Variants in LRRC4B observed in about 807,000 individuals in gnomAD.
The protein encoded by LRRC4B is leucine rich repeat containing 4B, also known as leucine-rich repeat-containing protein 4B.
In LRRC4B, 1 loss-of-function variant was observed where a neutral mutation model predicts 7.3. The ratio of observed to expected loss-of-function variants is 0.14; its 90% confidence interval spans 0.05 to 0.65. The LOEUF (loss-of-function observed/expected upper bound fraction) is 0.65, where lower values mean the gene tolerates loss of function less well. Ranked by LOEUF, LRRC4B falls within the 30% of genes least tolerant of loss-of-function variation. LRRC4B has a pLI of 0.84. For missense variants in LRRC4B, 730 were observed against 1,041.6 expected (o/e 0.70, Z 4.12); for synonymous variants, 500 against 499.2 (o/e 1.00, Z -0.02).
At chr19:50,544,080 GC>G (rs1378271726) in intron 2 of LRRC4B, among the ~76,000 whole-genome samples, 1 of 151,708 alleles carries the variant, frequency 6.6e-6, no homozygotes, top group African/African-American at 2.4e-5. Flanking sequence ...GGTGGTGTGC[GC>G]CTGTAATCCC....
rs1463305179 is a variant in LRRC4B at position 50,548,576 on chromosome 19, G to A, written c.263C>T (p.Thr88Met). 2 of 1,602,016 alleles carry A rather than the reference G, an allele frequency of 1.2e-6. No individual in the cohort carries two copies. The highest frequency in any genetic ancestry group is 1.7e-6 in the Non-Finnish European group (2 of 1,178,532). The change falls in exon 2 of 3, where the codon ACG becomes ATG. Residue 88 changes from threonine to methionine, a missense_variant. Transcript: ENST00000652263. The surrounding 1 kb of genome is among the most constrained non-coding windows in gnomAD (Gnocchi z 6.8). The stretch of plus-strand genomic sequence containing the variant: ...GTTCTCTTGCAGGTTCAGGTACCGC[G>A]TGTTGACCGGGATGCTGGCTGGGAC... ...AEVPASIPVN[T>M]RYLNLQENGI...
At chr19:50,564,836 A>G (rs1982574001) in intron 1 of LRRC4B, among the ~76,000 whole-genome samples, 1 of 151,450 alleles carries the variant, frequency 6.6e-6, no homozygotes, top group African/African-American at 2.4e-5. Context: ...GCAAGAAAGC[A>G]GGGCCAGGGT....
At chr19:50,559,108 C>T in intron 1 of LRRC4B, among the ~76,000 whole-genome samples, 1 of 152,018 alleles carries the variant, frequency 6.6e-6, no homozygotes, top group East Asian at 1.9e-4. Flanking sequence ...GAGATAAAAA[C>T]TGAACTTCCA....
At chr19:50,550,401 A>T (rs1982003457) in intron 1 of LRRC4B, among the ~76,000 whole-genome samples, 1 of 151,700 alleles carries the variant, frequency 6.6e-6, no homozygotes, top group Non-Finnish European at 1.5e-5. Context: ...AAACACGCAC[A>T]CCGACCCACT....
intron 2 of LRRC4B, among the ~76,000 whole-genome samples, chr19:50,547,049 A>G (rs975482880): frequency 1.3e-5 from 2 of 152,146 alleles, no homozygotes; most frequent in Admixed American, 6.5e-5. Context: ...TGGGGGAAGG[A>G]TGGAGTGCAG....
intron 1 of LRRC4B, among the ~76,000 whole-genome samples, chr19:50,554,791 G>A (rs1453081308): frequency 2.0e-5 from 3 of 152,222 alleles, no homozygotes; most frequent in Non-Finnish European, 4.4e-5. Context: ...AGCTAGCAAA[G>A]CTGAGACACA....
chr19:50,525,407 T>A (rs1249477223), intron 2 of LRRC4B, among the ~76,000 whole-genome samples: 1 of 83,210 alleles, frequency 1.2e-5, no homozygotes, highest in Non-Finnish European at 2.4e-5. Flanking sequence ...AGAACCGTAC[T>A]TTTTTTTTTT....
At chr19:50,527,861 C>T (rs1026822495) in intron 2 of LRRC4B, among the ~76,000 whole-genome samples, 2 of 151,954 alleles carry the variant, frequency 1.3e-5, no homozygotes, top group African/African-American at 4.8e-5. Flanking sequence ...CCTGCCTCAG[C>T]CTCTGGAGTA....
At position 50,568,173 on chromosome 19, in the gene LRRC4B, CGCCTCGCGCCCGCCTGCCGTCCG is replaced by C; in HGVS notation, c.-288_-266del. ...GGCTGGGGGGGCCGCTCTGCCTCCT[CGCCTCGCGCCCGCCTGCCGTCCG>C]GCCCCGCGCCCTCGCCCGCCGCCCG... On this transcript the variant is annotated 5_prime_UTR_variant, in exon 1 of 3. Coordinates refer to ENST00000652263, the MANE Select transcript of LRRC4B (RefSeq NM_001080457.2). 6.5e-6 allele frequency: 1 copy of C among 153,026 alleles called. No individual in the cohort carries two copies. Among genetic ancestry groups the C allele is most frequent in the Non-Finnish European group, 1.5e-5 (1 of 68,476 alleles). The allele number at this position is 153,026 out of a possible 1,614,324, so 9.5% of individuals were successfully genotyped here.
rs1400120055 is a variant in LRRC4B at position 50,553,802 on chromosome 19, C to A, written c.-35-4929G>T. On this transcript the variant is annotated intron_variant, in intron 1 of 2. Coordinates refer to ENST00000652263, the MANE Select transcript of LRRC4B (RefSeq NM_001080457.2). This position sits in a 1 kb window ranked among gnomAD's most constrained non-coding sequence, Gnocchi z 4.2. ...GCTCACCAAACACTGGGTGCAGGGA[C>A]GGATGGGTACGTTATCATCACTGTG... 2.0e-5 allele frequency among the ~76,000 whole-genome samples: 3 copies of A among 152,022 alleles called. No homozygotes were observed. Among genetic ancestry groups the A allele is most frequent in the Non-Finnish European group, 2.9e-5 (2 of 68,022 alleles).
chr19:50,525,580 AT>A (rs36006616), intron 2 of LRRC4B, among the ~76,000 whole-genome samples: 36,936 of 124,610 alleles, frequency 0.3, 5,032 homozygotes, highest in Middle Eastern at 0.36. Context: ...TAATTTTTGT[AT>A]TTTTTTTTTT....
At chr19:50,544,840 G>A (rs1981729118) in intron 2 of LRRC4B, among the ~76,000 whole-genome samples, 1 of 151,910 alleles carries the variant, frequency 6.6e-6, no homozygotes, top group African/African-American at 2.4e-5. Context: ...GAATTGCTTG[G>A]GTCCAGGAGT....
At position 50,534,663 on chromosome 19, in the gene LRRC4B, T is replaced by G. The variant is rs565004472; in HGVS notation, c.297+13879A>C. On this transcript the variant is annotated intron_variant, in intron 2 of 2. Transcript: ENST00000652263. ...ACTGCCTTCTAACCCCGATGGGGAC[T>G]TTCCTTTTATCCTGCAACTTGGCCT... Among the ~76,000 whole-genome samples the G allele has an allele frequency of 2.0e-5, 3 of 152,306 alleles. 1 individual carries two copies. In the South Asian group the frequency reaches 6.2e-4, roughly 32 times the overall value.
chr19:50,534,163 AGAG>A (rs1363787695), intron 2 of LRRC4B, among the ~76,000 whole-genome samples: 1 of 152,186 alleles, frequency 6.6e-6, no homozygotes, highest in Non-Finnish European at 1.5e-5. Flanking sequence ...TCCTGGCCTC[AGAG>A]AAGAAGAGAG....
At chr19:50,560,170 C>G (rs1270082821) in intron 1 of LRRC4B, among the ~76,000 whole-genome samples, 1 of 152,114 alleles carries the variant, frequency 6.6e-6, no homozygotes, top group African/African-American at 2.4e-5. Flanking sequence ...ACTGCAGATT[C>G]TGCATCGCCA....
chr19:50,523,006 C>G (rs1150923), intron 2 of LRRC4B, among the ~76,000 whole-genome samples: 22,486 of 152,262 alleles, frequency 0.15, 2,360 homozygotes, highest in East Asian at 0.53. Flanking sequence ...CAGAAGTGGA[C>G]AGCAGAGTTG....
At chr19:50,558,228 TAC>T (rs879380503) in intron 1 of LRRC4B, among the ~76,000 whole-genome samples, 1,014 of 76,774 alleles carry the variant, frequency 0.013, 5 homozygotes, top group Middle Eastern at 0.022. Flanking sequence ...CACACACACA[TAC>T]ACACACACAT....
At chr19:50,535,664 G>C (rs1981249265) in intron 2 of LRRC4B, among the ~76,000 whole-genome samples, 1 of 152,196 alleles carries the variant, frequency 6.6e-6, no homozygotes, top group Non-Finnish European at 1.5e-5. Context: ...CTCTCCAACA[G>C]GGACTTCCCT....
intron 1 of LRRC4B, among the ~76,000 whole-genome samples, chr19:50,565,412 T>G (rs1982595931): frequency 6.6e-6 from 1 of 152,198 alleles, no homozygotes; most frequent in Admixed American, 6.5e-5. Flanking sequence ...GTCTGGGGAC[T>G]GCTCCCTGTC....
Sources: allele counts gnomAD v4.1 joint callset (sites outside exome capture counted in the v4.1 genomes callset), GRCh38; gene constraint gnomAD v4.1.1; non-coding constraint Gnocchi (gnomAD v3.1); transcripts MANE v1.5; gene names NCBI Gene and HGNC (gene_info 2026-07-23, HGNC 2026-07-21).